Variants in SAMD12 observed in about 807,000 individuals in gnomAD.
SAMD12 encodes sterile alpha motif domain-containing protein 12.
Under a neutral mutation model 15.0 loss-of-function variants are expected in SAMD12, and 9 were observed. That is an observed-to-expected ratio of 0.60 (90% CI 0.36 to 1.05). SAMD12 has a LOEUF of 1.05. Ranked by LOEUF, SAMD12 falls within the 50% of genes least tolerant of loss-of-function variation. SAMD12 has a pLI of 0.01. For missense variants in SAMD12, 230 were observed against 234.2 expected (o/e 0.98, Z 0.12); for synonymous variants, 86 against 90.1 (o/e 0.96, Z 0.25).
intron 2 of SAMD12, among the ~76,000 whole-genome samples, chr8:118,460,918 A>T (rs1409964393): frequency 6.6e-6 from 1 of 152,190 alleles, no homozygotes; most frequent in Non-Finnish European, 1.5e-5. Flanking sequence ...TCTCAGCTAC[A>T]TCACTCATCA....
the SAMD12 span, among the ~76,000 whole-genome samples, chr8:118,141,535 C>T: frequency 2.6e-5 from 4 of 152,154 alleles, no homozygotes; most frequent in Non-Finnish European, 5.9e-5. Context: ...GCCCCATACA[C>T]CAAGCTTCCT....
the SAMD12 span, among the ~76,000 whole-genome samples, chr8:118,159,755 G>A: frequency 4.7e-5 from 6 of 128,038 alleles, no homozygotes; most frequent in East Asian, 2.2e-4. Context: ...CACTCTTTTC[G>A]CCCAGGCTGC....
chr8:118,179,079 T>G, the SAMD12 span, among the ~76,000 whole-genome samples: 1 of 152,168 alleles, frequency 6.6e-6, no homozygotes, highest in Non-Finnish European at 1.5e-5. Flanking sequence ...TGGCAATGGA[T>G]GCAAGCATTT....
intron 1 of SAMD12, among the ~76,000 whole-genome samples, chr8:118,590,771 A>C (rs144705557): frequency 7.6e-4 from 115 of 152,262 alleles, no homozygotes; most frequent in African/African-American, 2.6e-3. Flanking sequence ...ACCAAACTGA[A>C]AGACAAAAGA....
chr8:118,579,932 G>A (rs545993423), intron 2 of SAMD12, among the ~76,000 whole-genome samples: 18 of 152,246 alleles, frequency 1.2e-4, no homozygotes, highest in African/African-American at 4.3e-4. Flanking sequence ...CCATTGTAGG[G>A]AGCCTTTAGA....
At chr8:118,355,595 G>T (rs904153479) in intron 4 of SAMD12, among the ~76,000 whole-genome samples, 1 of 152,188 alleles carries the variant, frequency 6.6e-6, no homozygotes, top group South Asian at 2.1e-4. Flanking sequence ...AGACAGTTTG[G>T]AGGTAGTAGT....
intron 4 of SAMD12, among the ~76,000 whole-genome samples, chr8:118,337,166 A>G (rs1817122148): frequency 6.6e-6 from 1 of 152,226 alleles, no homozygotes; most frequent in South Asian, 2.1e-4. Context: ...ATAATTAAAA[A>G]AAGAAAAAAA....
chr8:118,170,666 C>A, the SAMD12 span, among the ~76,000 whole-genome samples: 1 of 151,984 alleles, frequency 6.6e-6, no homozygotes, highest in Non-Finnish European at 1.5e-5. Context: ...TTAAATCATA[C>A]ACAAAAATTA....
the SAMD12 span, among the ~76,000 whole-genome samples, chr8:118,132,960 A>G: frequency 1.2e-5 from 1 of 80,888 alleles, no homozygotes; most frequent in African/African-American, 6.0e-5. Context: ...TAGCTAACAT[A>G]TGTGTGTGTG....
At chr8:118,581,026 G>A (rs1033332151) in intron 1 of SAMD12, 133 bp from the exon 2 acceptor site, 5 of 610,038 alleles carry the variant, frequency 8.2e-6, no homozygotes, top group East Asian at 2.8e-5. Flanking sequence ...TGATTACTAC[G>A]ATAAATAATA....
intron 4 of SAMD12, among the ~76,000 whole-genome samples, chr8:118,356,946 T>C (rs1004708964): frequency 2.0e-5 from 3 of 152,228 alleles, no homozygotes; most frequent in African/African-American, 7.2e-5. Context: ...CCATTCGCTC[T>C]GGCTATGACC....
intron 2 of SAMD12, among the ~76,000 whole-genome samples, chr8:118,530,197 T>C (rs1825646633): frequency 6.6e-6 from 1 of 152,202 alleles, no homozygotes; most frequent in African/African-American, 2.4e-5. Flanking sequence ...TTCATGTCCT[T>C]TGCCTACTTT....
chr8:118,457,491 C>G (rs892781514), intron 2 of SAMD12, among the ~76,000 whole-genome samples: 1 of 151,882 alleles, frequency 6.6e-6, no homozygotes, highest in Non-Finnish European at 1.5e-5. Flanking sequence ...TACTAACATT[C>G]TTTTATTGAA....
At chr8:118,440,726 G>A (rs1231976002) in intron 2 of SAMD12, among the ~76,000 whole-genome samples, 5 of 132,086 alleles carry the variant, frequency 3.8e-5, no homozygotes, top group South Asian at 2.4e-4. Context: ...ATATAAAAAC[G>A]CAGGGAGTGA....
the SAMD12 span, among the ~76,000 whole-genome samples, chr8:118,161,763 A>T: frequency 6.6e-6 from 1 of 151,852 alleles, no homozygotes; most frequent in African/African-American, 2.4e-5. Context: ...ATTTTAGCAA[A>T]ATATTTAAAC....
intron 4 of SAMD12, among the ~76,000 whole-genome samples, chr8:118,343,781 C>A (rs1303985838): frequency 3.3e-5 from 5 of 151,996 alleles, no homozygotes; most frequent in African/African-American, 1.2e-4. Context: ...CAGATCAGGC[C>A]GGACTAGGTC....
the SAMD12 span, among the ~76,000 whole-genome samples, chr8:118,167,518 A>G: frequency 7.9e-5 from 12 of 152,160 alleles, no homozygotes; most frequent in Admixed American, 2.0e-4. Context: ...AAAAACATGA[A>G]TGTTTTCCAA....
chr8:118,264,615 G>T (rs1196721058), intron 4 of SAMD12, among the ~76,000 whole-genome samples: 1 of 152,112 alleles, frequency 6.6e-6, no homozygotes, highest in Non-Finnish European at 1.5e-5. Flanking sequence ...TGAAGTAAAT[G>T]TGCTAGAGTG....
intron 2 of SAMD12, among the ~76,000 whole-genome samples, chr8:118,456,776 A>G (rs1823266235): frequency 6.6e-6 from 1 of 152,242 alleles, no homozygotes; most frequent in Non-Finnish European, 1.5e-5. Flanking sequence ...TTAGATATGG[A>G]GTTTAGTGTG....
Sources: allele counts gnomAD v4.1 joint callset (sites outside exome capture counted in the v4.1 genomes callset), GRCh38; gene constraint gnomAD v4.1.1; transcripts MANE v1.5; gene names NCBI Gene and HGNC (gene_info 2026-07-23, HGNC 2026-07-21).